ABLIM2: variants seen among roughly 807,000 people sequenced by gnomAD.
The protein encoded by ABLIM2 is actin-binding LIM protein 2.
A neutral mutation model predicts 97.7 loss-of-function variants in ABLIM2; 53 were observed. The ratio of observed to expected loss-of-function variants is 0.54; its 90% CI spans 0.44 to 0.68. The LOEUF (loss-of-function observed/expected upper bound fraction) is 0.68. Among genes scored for constraint, ABLIM2 ranks in the 30% least tolerant of loss-of-function variants. The pLI is 0.00. For synonymous variants in ABLIM2, 361 were observed against 345.8 expected (o/e 1.04, Z -0.49); for missense variants, 835 against 867.2 (o/e 0.96, Z 0.47).
chr4:8,062,247 G>A lies in ABLIM2; in HGVS notation c.676-1193C>T, dbSNP rs77316386. Among the ~76,000 whole-genome samples, 542 of 152,270 alleles carry A rather than the reference G, an allele frequency of 3.6e-3. 2 individuals are homozygous for A. Among genetic ancestry groups the A allele is most frequent in the African/African-American group, 0.012 (503 of 41,548 alleles). On this transcript the variant is annotated intron_variant, in intron 6 of 20. Transcript: ENST00000447017. ...TCCACACTGTTCAGGGATTACTTGG[G>A]TGTATTCTTCCCCACTAGATGGCCA...
chr4:8,105,479 C>A (rs1341283193), intron 2 of ABLIM2, among the ~76,000 whole-genome samples: 1 of 152,220 alleles, frequency 6.6e-6, no homozygotes, highest in Non-Finnish European at 1.5e-5. Context: ...CAGCCCGCAG[C>A]CATTGGATGG....
intron 20 of ABLIM2, among the ~76,000 whole-genome samples, chr4:7,981,256 G>A (rs1738158690): frequency 6.6e-6 from 1 of 151,964 alleles, no homozygotes; most frequent in Non-Finnish European, 1.5e-5. Flanking sequence ...ACAACCCCTT[G>A]TCTTAACCCA....
chr4:8,122,244 C>T lies in ABLIM2; in HGVS notation c.11-15607G>A, dbSNP rs1362059431. Among the ~76,000 whole-genome samples, 1 of 152,178 alleles carries T rather than the reference C, an allele frequency of 6.6e-6. No individual in the cohort carries two copies. Among genetic ancestry groups the T allele is most frequent in the African/African-American group, 2.4e-5 (1 of 41,440 alleles). ...TGCCCCCTGTGCATCTCCATCATAT[C>T]CGAATGGCCTGGTAAGGATGGCCAC... On this transcript the variant is annotated intron_variant, in intron 1 of 20. Coordinates refer to ENST00000447017, the MANE Select transcript of ABLIM2 (RefSeq NM_001130083.2). The surrounding 1 kb of genome is among the most constrained non-coding windows in gnomAD (Gnocchi z 4.1).
intron 1 of ABLIM2, among the ~76,000 whole-genome samples, chr4:8,111,732 C>T (rs1017782434): frequency 2.6e-5 from 4 of 152,134 alleles, no homozygotes; most frequent in Non-Finnish European, 5.9e-5. Flanking sequence ...TTGAGATCAG[C>T]ATGGCCAACA....
At chr4:8,143,151 G>A in intron 1 of ABLIM2, among the ~76,000 whole-genome samples, 1 of 134,982 alleles carries the variant, frequency 7.4e-6, no homozygotes, top group African/African-American at 2.8e-5. Context: ...TGGGAGCGGG[G>A]GCGAGAGTGG....
intron 20 of ABLIM2, among the ~76,000 whole-genome samples, chr4:7,972,794 G>T (rs1729197538): frequency 6.6e-6 from 1 of 152,164 alleles, no homozygotes. Flanking sequence ...TGGCCAGGGA[G>T]GCTGGGATTC....
chr4:7,989,320 C>T, intron 17 of ABLIM2: 2 of 771,528 alleles, frequency 2.6e-6, no homozygotes, highest in South Asian at 5.9e-5. Context: ...CTCAAGTGAT[C>T]CACCCACCTC....
intron 20 of ABLIM2, among the ~76,000 whole-genome samples, chr4:7,980,401 T>C (rs558396549): frequency 1.9e-4 from 29 of 152,104 alleles, no homozygotes; most frequent in Non-Finnish European, 2.8e-4. Flanking sequence ...CCTAAATATA[T>C]ATTTTTTGGC....
At chr4:8,094,884 T>C (rs570994779) in intron 3 of ABLIM2, among the ~76,000 whole-genome samples, 7 of 152,088 alleles carry the variant, frequency 4.6e-5, no homozygotes, top group Admixed American at 4.6e-4. Flanking sequence ...AACAACCTAA[T>C]ACAACTAGTA....
At position 8,147,512 on chromosome 4, in the gene ABLIM2, G is replaced by C. The variant is rs552284039; in HGVS notation, c.10+11168C>G. ...TGGGAGATGATTCTGGATGCTATGG[G>C]CGGGCTCTGAGTGCAATCTCAAGAG... On this transcript the variant is annotated intron_variant, in intron 1 of 20. Transcript: ENST00000447017. The surrounding 1 kb of genome is among the most constrained non-coding windows in gnomAD (Gnocchi z 5.3). Among the ~76,000 whole-genome samples, 1 of 152,334 alleles carries C rather than the reference G, an allele frequency of 6.6e-6. No homozygotes were observed. The highest frequency in any genetic ancestry group is 2.4e-5 in the African/African-American group (1 of 41,580).
chr4:7,973,013 C>T (rs1344147447), intron 20 of ABLIM2, among the ~76,000 whole-genome samples: 1 of 151,172 alleles, frequency 6.6e-6, no homozygotes, highest in Non-Finnish European at 1.5e-5. Flanking sequence ...CATTTGGCCT[C>T]AGGGCCTGGA....
At chr4:8,026,410 G>A (rs1777341420) in intron 12 of ABLIM2, among the ~76,000 whole-genome samples, 1 of 152,246 alleles carries the variant, frequency 6.6e-6, no homozygotes, top group African/African-American at 2.4e-5. Flanking sequence ...ACTCTCAGTA[G>A]GCCACGGGGC....
In ABLIM2 at chr4:8,148,192, G is replaced by A. The variant is rs75826809; in HGVS notation, c.10+10488C>T. Among the ~76,000 whole-genome samples the A allele has an allele frequency of 5.3e-5, 8 of 152,352 alleles. No individual in the cohort carries two copies. The highest frequency in any genetic ancestry group is 2.1e-4 in the South Asian group (1 of 4,832). The stretch of plus-strand genomic sequence containing the variant: ...CAGAGGGAGAAAAGGAAGACGTGGC[G>A]GCGGTGCAGCAGAAGCTCTCCTGTG... On this transcript the variant is annotated intron_variant, in intron 1 of 20. Transcript: ENST00000447017. This position sits in a 1 kb window ranked among gnomAD's most constrained non-coding sequence, Gnocchi z 6.7.
rs775103975 is a variant in ABLIM2 at position 8,148,078 on chromosome 4, G to A, written c.10+10602C>T. 4.6e-5 allele frequency among the ~76,000 whole-genome samples: 7 copies of A among 152,226 alleles called. No individual in the cohort carries two copies. The highest frequency in any genetic ancestry group is 7.2e-5 in the African/African-American group (3 of 41,460). On this transcript the variant is annotated intron_variant, in intron 1 of 20. Transcript: ENST00000447017. This position sits in a 1 kb window ranked among gnomAD's most constrained non-coding sequence, Gnocchi z 6.7. Reference sequence around the variant, plus strand: ...GGCAGGCAACAAGGGATAGTGGCCCGACCTTGCTGGGGGAGAAACCCCTCA... The same window carrying A: ...GGCAGGCAACAAGGGATAGTGGCCCAACCTTGCTGGGGGAGAAACCCCTCA...
intron 2 of ABLIM2, 98 bp from the exon 3 acceptor site, chr4:8,097,380 C>G: frequency 7.1e-7 from 1 of 1,411,494 alleles, no homozygotes; most frequent in Non-Finnish European, 9.6e-7. Flanking sequence ...ACACCACCAC[C>G]TGACACAGGC....
chr4:8,086,922 G>A (rs73216490), intron 4 of ABLIM2, among the ~76,000 whole-genome samples: 2 of 151,874 alleles, frequency 1.3e-5, no homozygotes, highest in Non-Finnish European at 2.9e-5. Flanking sequence ...GCGCCCTCCC[G>A]ACCCGGTGGG....
chr4:8,052,358 C>A (rs1796562881), intron 8 of ABLIM2, among the ~76,000 whole-genome samples: 1 of 152,208 alleles, frequency 6.6e-6, no homozygotes, highest in South Asian at 2.1e-4. Flanking sequence ...GGAAGGGCTG[C>A]TGCCTTGCTC....
chr4:8,153,222 C>T (rs1217418769), intron 1 of ABLIM2, among the ~76,000 whole-genome samples: 2 of 152,190 alleles, frequency 1.3e-5, no homozygotes, highest in East Asian at 3.8e-4. Context: ...AGGGTGCGGG[C>T]CAGGCAGCTT....
Position 8,043,548 on chromosome 4 carries a change from C to G in ABLIM2, c.900+1616G>C, listed in dbSNP as rs1790148697. On this transcript the variant is annotated intron_variant, in intron 9 of 20. Coordinates refer to ENST00000447017, the MANE Select transcript of ABLIM2 (RefSeq NM_001130083.2). This position sits in a 1 kb window ranked among gnomAD's most constrained non-coding sequence, Gnocchi z 4.8. The stretch of plus-strand genomic sequence containing the variant: ...CAAGACCGTTAGGGTGGATCCAATC[C>G]AATCTGCCTGGTGTCCTTATGGGAA... Among the ~76,000 whole-genome samples, 2 of 152,052 alleles carry G rather than the reference C, an allele frequency of 1.3e-5. No homozygotes were observed. Among genetic ancestry groups the G allele is most frequent in the Admixed American group, 1.3e-4 (2 of 15,266 alleles).
Sources: gnomAD v4.1 joint callset for allele counts (sites outside exome capture counted in the v4.1 genomes callset) on GRCh38, gnomAD v4.1.1 for gene constraint, Gnocchi (gnomAD v3.1) non-coding constraint, MANE v1.5 for transcripts, NCBI Gene and HGNC (gene_info 2026-07-23, HGNC 2026-07-21) for gene names.